Variants in PPM1L observed in about 807,000 individuals in gnomAD.
PPM1L encodes protein phosphatase 1L.
In PPM1L, 13 loss-of-function variants were observed where a neutral mutation model predicts 31.4. That is an observed-to-expected ratio of 0.41 (90% CI 0.27 to 0.66). The LOEUF (loss-of-function observed/expected upper bound fraction) is 0.66. Ranked by LOEUF, PPM1L falls within the 30% of genes least tolerant of loss-of-function variation. PPM1L has a pLI of 0.29. For missense variants in PPM1L, 326 were observed against 453.7 expected, an observed-to-expected ratio of 0.72 and a Z score of 2.56; for synonymous variants, 184 against 175.4, an observed-to-expected ratio of 1.05 and a Z score of -0.39.
rs1426689543 is a variant in PPM1L at position 161,076,662 on chromosome 3, A to C, written c.*7505A>C. On this transcript the variant is annotated 3_prime_UTR_variant, in exon 4 of 4. Coordinates refer to ENST00000498165, the MANE Select transcript of PPM1L (RefSeq NM_139245.4). Reference sequence around the variant, plus strand: ...AGGTCACAGAATTGAAATCTATTTGATAATGTCTCAGCATTCTCATGGGCA... The same window carrying C: ...AGGTCACAGAATTGAAATCTATTTGCTAATGTCTCAGCATTCTCATGGGCA... 2 of 152,104 alleles carry C rather than the reference A, an allele frequency of 1.3e-5. No homozygotes were observed. The highest frequency in any genetic ancestry group is 2.4e-5 in the African/African-American group (1 of 41,410). 9.4% of individuals were successfully genotyped at this position (152,104 alleles called of 1,614,324 possible).
intron 1 of PPM1L, among the ~76,000 whole-genome samples, chr3:160,882,527 G>A (rs1477834012): frequency 6.6e-6 from 1 of 152,130 alleles, no homozygotes; most frequent in East Asian, 1.9e-4. Context: ...TATTGGATTA[G>A]TTTCCTAGGG....
chr3:160,935,017 A>G (rs1041201155), intron 1 of PPM1L, among the ~76,000 whole-genome samples: 1 of 152,160 alleles, frequency 6.6e-6, no homozygotes, highest in African/African-American at 2.4e-5. Context: ...TACAATATAA[A>G]TGTATCTAGA....
chr3:160,907,970 G>A (rs1193712833), intron 1 of PPM1L, among the ~76,000 whole-genome samples: 1 of 152,216 alleles, frequency 6.6e-6, no homozygotes, highest in East Asian at 1.9e-4. Context: ...GTTGATGCAG[G>A]CTGTGCAGGT....
intron 2 of PPM1L, among the ~76,000 whole-genome samples, chr3:160,966,407 G>A (rs1716144797): frequency 6.6e-6 from 1 of 152,068 alleles, no homozygotes; most frequent in South Asian, 2.1e-4. Context: ...AAATGTAGTT[G>A]ATATCTGGTA....
At chr3:160,895,888 G>A (rs6787599) in intron 1 of PPM1L, among the ~76,000 whole-genome samples, 11,345 of 152,194 alleles carry the variant, frequency 0.075, 532 homozygotes, top group African/African-American at 0.12. Context: ...TATTTGCTGT[G>A]CTTTCTTATC....
chr3:160,890,364 C>T (rs1713093645), intron 1 of PPM1L, among the ~76,000 whole-genome samples: 1 of 152,046 alleles, frequency 6.6e-6, no homozygotes, highest in African/African-American at 2.4e-5. Flanking sequence ...AGCAGCGAGC[C>T]AAATCATGAA....
At chr3:160,986,033 AT>A (rs1322634092) in intron 2 of PPM1L, among the ~76,000 whole-genome samples, 3 of 152,126 alleles carry the variant, frequency 2.0e-5, no homozygotes, top group Non-Finnish European at 2.9e-5. Flanking sequence ...AGATAGAACA[AT>A]TTTTAATGAT....
chr3:161,058,103 C>CCATCATT (rs1315133813), intron 2 of PPM1L, among the ~76,000 whole-genome samples: 5 of 105,936 alleles, frequency 4.7e-5, no homozygotes, highest in Non-Finnish European at 2.3e-5. Flanking sequence ...TTAGTAGGGT[C>CCATCATT]CATCATTTTC....
chr3:160,850,046 A>G (rs1714216461), intron 1 of PPM1L, among the ~76,000 whole-genome samples: 1 of 152,094 alleles, frequency 6.6e-6, no homozygotes, highest in South Asian at 2.1e-4. Flanking sequence ...GTCCCACAAG[A>G]CTGCCCTTAT....
chr3:160,982,797 C>T (rs1442500435), intron 2 of PPM1L, among the ~76,000 whole-genome samples: 1 of 152,166 alleles, frequency 6.6e-6, no homozygotes, highest in African/African-American at 2.4e-5. Context: ...ACCTCTGATT[C>T]TCTGTTCCTA....
intron 2 of PPM1L, among the ~76,000 whole-genome samples, chr3:161,021,731 C>T (rs1343715986): frequency 6.6e-6 from 1 of 152,026 alleles, no homozygotes; most frequent in Admixed American, 6.6e-5. Context: ...ATATTTATCT[C>T]CCTGATGTAT....
intron 2 of PPM1L, among the ~76,000 whole-genome samples, chr3:161,013,185 A>C (rs1042411796): frequency 6.6e-6 from 1 of 152,104 alleles, no homozygotes; most frequent in African/African-American, 2.4e-5. Context: ...CCCTCTACAC[A>C]CTGTTTTAAA....
intron 1 of PPM1L, among the ~76,000 whole-genome samples, chr3:160,834,244 C>T (rs374414865): frequency 2.0e-5 from 3 of 151,962 alleles, no homozygotes; most frequent in African/African-American, 4.8e-5. Context: ...AGGGTGATCT[C>T]GATCTCCTGA....
chr3:161,065,024 A>C (rs1386820036), intron 2 of PPM1L, among the ~76,000 whole-genome samples: 1 of 151,836 alleles, frequency 6.6e-6, no homozygotes, highest in Non-Finnish European at 1.5e-5. Flanking sequence ...CCCACTTCCA[A>C]CTGGGACTTC....
chr3:160,892,296 C>G (rs1713180029), intron 1 of PPM1L, among the ~76,000 whole-genome samples: 4 of 152,102 alleles, frequency 2.6e-5, no homozygotes, highest in African/African-American at 9.7e-5. Flanking sequence ...GAAGAGGGAG[C>G]AGGCACATCA....
At chr3:160,810,093 A>C (rs1176395638) in intron 1 of PPM1L, among the ~76,000 whole-genome samples, 1 of 151,900 alleles carries the variant, frequency 6.6e-6, no homozygotes, top group Non-Finnish European at 1.5e-5. Context: ...GGTGTCTTGC[A>C]TCATGACTGA....
intron 1 of PPM1L, among the ~76,000 whole-genome samples, chr3:160,777,535 GC>G (rs1356328153): frequency 6.6e-6 from 1 of 151,972 alleles, no homozygotes; most frequent in Non-Finnish European, 1.5e-5. Context: ...CCTCCCTGTA[GC>G]CCCCTGATAA....
chr3:160,888,388 C>G (rs1713008491), intron 1 of PPM1L, among the ~76,000 whole-genome samples: 1 of 152,118 alleles, frequency 6.6e-6, no homozygotes, highest in Non-Finnish European at 1.5e-5. Context: ...ATCCTCATCT[C>G]TGACAAAACG....
At chr3:160,903,164 A>ATGTGTGTGTGTGT (rs141428050) in intron 1 of PPM1L, among the ~76,000 whole-genome samples, 1 of 106,530 alleles carries the variant, frequency 9.4e-6, no homozygotes, top group Non-Finnish European at 1.8e-5. Context: ...TAGAAGCAAT[A>ATGTGTGTGTGTGT]GTGTGTGTGT....
Sources: gnomAD v4.1 joint callset for allele counts (sites outside exome capture counted in the v4.1 genomes callset) on GRCh38, gnomAD v4.1.1 for gene constraint, MANE v1.5 for transcripts, NCBI Gene and HGNC (gene_info 2026-07-23, HGNC 2026-07-21) for gene names.